Variants in ZNF804B observed in about 807,000 individuals in gnomAD.
ZNF804B encodes the protein zinc finger 804B.
A neutral mutation model predicts 101.4 loss-of-function variants in ZNF804B; 80 were observed. The ratio of observed to expected loss-of-function variants is 0.79; its 90% CI spans 0.66 to 0.95. ZNF804B has a LOEUF of 0.95. Ranked by LOEUF, ZNF804B falls within the 40% of genes least tolerant of loss-of-function variation. The pLI is 0.00. For synonymous variants in ZNF804B, 622 were observed against 558.8 expected (o/e 1.11, Z -1.59); for missense variants, 1,673 against 1,561.9 (o/e 1.07, Z -1.20).
intron 2 of ZNF804B, among the ~76,000 whole-genome samples, chr7:89,264,450 A>G (rs897161566): frequency 6.6e-6 from 1 of 152,190 alleles, no homozygotes; most frequent in Admixed American, 6.5e-5. Flanking sequence ...TCACATTGCC[A>G]AAGCCTGTAC....
chr7:88,793,665 T>C (rs2115688740), intron 1 of ZNF804B, among the ~76,000 whole-genome samples: 1 of 152,266 alleles, frequency 6.6e-6, no homozygotes, highest in South Asian at 2.1e-4. Flanking sequence ...GCCCTTCCTA[T>C]ATACTGCTAC....
At chr7:88,981,284 C>T (rs1242661216) in intron 1 of ZNF804B, among the ~76,000 whole-genome samples, 4 of 152,152 alleles carry the variant, frequency 2.6e-5, no homozygotes, top group Admixed American at 2.0e-4. Context: ...CATGGTGTGT[C>T]CAGAAATGTC....
intron 2 of ZNF804B, among the ~76,000 whole-genome samples, chr7:89,230,272 C>G (rs1037093622): frequency 6.7e-6 from 1 of 149,774 alleles, no homozygotes; most frequent in African/African-American, 2.5e-5. Flanking sequence ...TATCTTTAAT[C>G]AGGTTAACTA....
chr7:88,855,102 C>T (rs1791534742), intron 1 of ZNF804B, among the ~76,000 whole-genome samples: 1 of 151,968 alleles, frequency 6.6e-6, no homozygotes, highest in Non-Finnish European at 1.5e-5. Flanking sequence ...GATTTATAAT[C>T]CTTTGGGTAT....
chr7:88,926,936 T>TGGGGGG (rs200969350), intron 1 of ZNF804B, among the ~76,000 whole-genome samples: 2 of 85,468 alleles, frequency 2.3e-5, no homozygotes, highest in South Asian at 4.5e-4. Flanking sequence ...TGCCGGGTGG[T>TGGGGGG]GGGGAGCGGG....
chr7:89,087,225 ATAAG>A (rs1232760858), intron 1 of ZNF804B, among the ~76,000 whole-genome samples: 3 of 151,940 alleles, frequency 2.0e-5, no homozygotes, highest in Non-Finnish European at 4.4e-5. Flanking sequence ...AAGTATGAAA[ATAAG>A]TAAGACAAAC....
chr7:89,001,173 T>G (rs1230473379), intron 1 of ZNF804B, among the ~76,000 whole-genome samples: 1 of 149,238 alleles, frequency 6.7e-6, no homozygotes, highest in Admixed American at 6.7e-5. Flanking sequence ...ATATATTATA[T>G]TCTAGAAAAT....
At chr7:89,276,833 A>G (rs1336527608) in intron 2 of ZNF804B, among the ~76,000 whole-genome samples, 1 of 151,832 alleles carries the variant, frequency 6.6e-6, no homozygotes, top group Non-Finnish European at 1.5e-5. Context: ...CTCTAGAGGT[A>G]TTCTGTAGTC....
intron 2 of ZNF804B, among the ~76,000 whole-genome samples, chr7:89,267,707 A>G (rs1789822751): frequency 6.6e-6 from 1 of 152,148 alleles, no homozygotes; most frequent in African/African-American, 2.4e-5. Context: ...GTCATTTTCT[A>G]ATAGAAGGAT....
intron 2 of ZNF804B, among the ~76,000 whole-genome samples, chr7:89,224,223 C>A (rs915979138): frequency 2.6e-5 from 4 of 151,992 alleles, no homozygotes; most frequent in Admixed American, 2.6e-4. Context: ...TGAAACCCTC[C>A]ACATGTGACG....
At chr7:88,760,299 A>G (rs556946073) in intron 1 of ZNF804B, among the ~76,000 whole-genome samples, 5 of 152,336 alleles carry the variant, frequency 3.3e-5, no homozygotes, top group African/African-American at 4.8e-5. Flanking sequence ...TGTATTTTCA[A>G]TTCAGTCAGT....
chr7:88,954,496 C>T (rs559819929), intron 1 of ZNF804B, among the ~76,000 whole-genome samples: 24 of 151,092 alleles, frequency 1.6e-4, no homozygotes, highest in Non-Finnish European at 2.4e-4. Flanking sequence ...TTAAATGTTA[C>T]GTTTTATCTC....
intron 1 of ZNF804B, among the ~76,000 whole-genome samples, chr7:89,166,192 A>G (rs767318294): frequency 6.6e-6 from 1 of 152,136 alleles, no homozygotes; most frequent in Non-Finnish European, 1.5e-5. Flanking sequence ...GGATTCCAAC[A>G]TAAAGTGAAT....
chr7:89,093,943 T>C (rs374013274), intron 1 of ZNF804B, among the ~76,000 whole-genome samples: 1 of 152,332 alleles, frequency 6.6e-6, no homozygotes, highest in East Asian at 1.9e-4. Context: ...CACTACTGAT[T>C]GGCAGCTTAC....
At chr7:88,843,981 GT>G (rs1056636664) in intron 1 of ZNF804B, among the ~76,000 whole-genome samples, 3 of 151,912 alleles carry the variant, frequency 2.0e-5, no homozygotes, top group African/African-American at 4.8e-5. Flanking sequence ...AAAAAATCTT[GT>G]TTTTTAATAT....
chr7:88,825,658 C>T (rs543559676), intron 1 of ZNF804B, among the ~76,000 whole-genome samples: 1 of 152,150 alleles, frequency 6.6e-6, no homozygotes, highest in Admixed American at 6.6e-5. Context: ...CTTGCTGGTC[C>T]TCATTTTTCT....
chr7:89,256,059 A>G lies in ZNF804B; in HGVS notation c.249+37764A>G, dbSNP rs143957201. ...ATTTGTTCAATACTAGTGTGCTGGG[A>G]TGATTTTAATGATAAGAAACACTTT... On this transcript the variant is annotated intron_variant, in intron 2 of 3. Coordinates refer to ENST00000333190, the MANE Select transcript of ZNF804B (RefSeq NM_181646.5). Among the ~76,000 whole-genome samples, 574 of 152,312 alleles carry G rather than the reference A, an allele frequency of 3.8e-3. 3 individuals carry two copies. Among genetic ancestry groups the G allele is most frequent in the African/African-American group, 0.013 (551 of 41,566 alleles).
chr7:89,281,090 T>C (rs2115869762), intron 2 of ZNF804B, among the ~76,000 whole-genome samples: 1 of 152,354 alleles, frequency 6.6e-6, no homozygotes, highest in East Asian at 1.9e-4. Context: ...AGTCATATCA[T>C]ATATCCTGTT....
At chr7:89,268,937 C>T (rs1269556615) in intron 2 of ZNF804B, among the ~76,000 whole-genome samples, 1 of 152,082 alleles carries the variant, frequency 6.6e-6, no homozygotes, top group Non-Finnish European at 1.5e-5. Flanking sequence ...AAGCAATTAC[C>T]TTAATTCAAA....
Sources: gnomAD v4.1 joint callset for allele counts (sites outside exome capture counted in the v4.1 genomes callset) on GRCh38, gnomAD v4.1.1 for gene constraint, MANE v1.5 for transcripts, NCBI Gene and HGNC (gene_info 2026-07-23, HGNC 2026-07-21) for gene names.